Variants in SLC25A53 observed in about 807,000 individuals in gnomAD.
SLC25A53 encodes the protein mitochondrial carrier triple repeat protein 6.
SLC25A53 carries 5 observed loss-of-function variants against 15.0 expected under a neutral mutation model. The observed-to-expected ratio is 0.33, with a 90% confidence interval of 0.17 to 0.70. The LOEUF is 0.70. Ranked by LOEUF, SLC25A53 falls within the 30% of genes least tolerant of loss-of-function variation. The probability of loss-of-function intolerance (pLI) is 0.67; values close to 1 mark genes in which losing one functional copy is unlikely to be tolerated. For missense variants in SLC25A53, 216 were observed against 241.6 expected (o/e 0.89, Z 0.70); for synonymous variants, 95 against 100.0 (o/e 0.95, Z 0.30).
chrX:104,141,373 A>G (rs1172273671), intron 1 of SLC25A53, among the ~76,000 whole-genome samples: 5 of 111,785 alleles, frequency 4.5e-5, no homozygotes, highest in Non-Finnish European at 7.5e-5. Context: ...ACTTACCTGA[A>G]AACAAAACAA....
intron 1 of SLC25A53, among the ~76,000 whole-genome samples, chrX:104,109,431 G>A (rs2075327898): frequency 8.9e-6 from 1 of 112,300 alleles, no homozygotes; most frequent in Non-Finnish European, 1.9e-5. Context: ...GGATGCATGA[G>A]ACAAAGTATG....
chrX:104,114,702 G>A (rs2075368023), intron 1 of SLC25A53: 8 of 1,210,338 alleles, frequency 6.6e-6, no homozygotes, highest in Non-Finnish European at 7.8e-6. Flanking sequence ...ATCTTCTCAG[G>A]ATGTATGCAA....
chrX:104,133,533 C>A lies in SLC25A53; in HGVS notation c.-32+23345G>T, dbSNP rs782480419. Among the ~76,000 whole-genome samples the A allele has an allele frequency of 7.6e-4, 84 of 111,038 alleles. 1 individual carries two copies. Among genetic ancestry groups the A allele is most frequent in the Non-Finnish European group, 1.1e-4 (6 of 53,016 alleles). On this transcript the variant is annotated intron_variant, in intron 1 of 1. Transcript: ENST00000594199. Reference sequence around the variant, plus strand: ...AGATTCTTATTGTTTTTCATGTAGACCATTAAAACAGTCTCAAAAATTGCC... The same window carrying A: ...AGATTCTTATTGTTTTTCATGTAGAACATTAAAACAGTCTCAAAAATTGCC...
At chrX:104,144,414 C>G (rs1360704494) in intron 1 of SLC25A53, among the ~76,000 whole-genome samples, 1 of 111,223 alleles carries the variant, frequency 9.0e-6, no homozygotes, top group Non-Finnish European at 1.9e-5. Context: ...ATCTACCAAG[C>G]AAATGGAAAG....
intron 1 of SLC25A53, among the ~76,000 whole-genome samples, chrX:104,130,186 C>G (rs1183064645): frequency 9.0e-6 from 1 of 110,919 alleles, no homozygotes; most frequent in African/African-American, 3.3e-5. Flanking sequence ...ATCCAGTACG[C>G]ACTCCCTGCT....
chrX:104,114,003 T>C (rs1156242701), intron 1 of SLC25A53: 8 of 1,137,312 alleles, frequency 7.0e-6, no homozygotes, highest in Non-Finnish European at 9.3e-6. Context: ...CCTACTGAAA[T>C]ATAAGGCAGG....
chrX:104,129,893 TGTGC>T (rs1213539419), intron 1 of SLC25A53, among the ~76,000 whole-genome samples: 1 of 106,242 alleles, frequency 9.4e-6, no homozygotes, highest in Non-Finnish European at 1.9e-5. Context: ...TGTGTGTGTG[TGTGC>T]CATTCAAATG....
chrX:104,118,504 C>T (rs1302072643), intron 1 of SLC25A53, among the ~76,000 whole-genome samples: 4 of 113,128 alleles, frequency 3.5e-5, no homozygotes, highest in African/African-American at 1.3e-4. Context: ...ACATGCCAGG[C>T]ACCCAGTGCC....
chrX:104,134,593 T>C (rs1187850087), intron 1 of SLC25A53, among the ~76,000 whole-genome samples: 1 of 111,931 alleles, frequency 8.9e-6, no homozygotes, highest in African/African-American at 3.3e-5. Context: ...AGGCATAAAA[T>C]GATGTTAATG....
At chrX:104,154,151 G>C (rs1274356960) in intron 1 of SLC25A53, among the ~76,000 whole-genome samples, 1 of 112,231 alleles carries the variant, frequency 8.9e-6, no homozygotes, top group Non-Finnish European at 1.9e-5. Flanking sequence ...GTAGCAAAAA[G>C]ACAACCTGAT....
At chrX:104,116,293 T>C (rs1200604876) in intron 1 of SLC25A53, among the ~76,000 whole-genome samples, 2 of 111,180 alleles carry the variant, frequency 1.8e-5, no homozygotes, top group African/African-American at 6.6e-5. Flanking sequence ...GTAGTCCCTA[T>C]CTTCACGAAG....
chrX:104,105,592 C>T (rs2075305169), intron 1 of SLC25A53, among the ~76,000 whole-genome samples: 1 of 112,132 alleles, frequency 8.9e-6, no homozygotes. Flanking sequence ...GGGAAGACTC[C>T]AAAACTTAAT....
chrX:104,126,379 C>T (rs2075410879), intron 1 of SLC25A53, among the ~76,000 whole-genome samples: 1 of 110,876 alleles, frequency 9.0e-6, no homozygotes, highest in African/African-American at 3.3e-5. Context: ...GAAGGCCTGG[C>T]ACAGTGGCTC....
At chrX:104,130,115 T>C (rs2147874752) in intron 1 of SLC25A53, among the ~76,000 whole-genome samples, 1 of 111,118 alleles carries the variant, frequency 9.0e-6, no homozygotes, top group East Asian at 2.8e-4. Context: ...AAGTGACGTT[T>C]TGGTACAAAC....
chrX:104,113,003 T>G (rs1490940545), intron 1 of SLC25A53: 1 of 12,670 alleles, frequency 7.9e-5, no homozygotes, highest in African/African-American at 3.6e-4. Flanking sequence ...TGGATTAAGG[T>G]GGGTGGGGGT....
intron 1 of SLC25A53, among the ~76,000 whole-genome samples, chrX:104,146,265 C>T (rs1044265102): frequency 4.5e-5 from 5 of 112,065 alleles, no homozygotes; most frequent in Admixed American, 9.5e-5. Context: ...GCCCTTCATG[C>T]TAAAACCTCT....
intron 1 of SLC25A53, among the ~76,000 whole-genome samples, chrX:104,128,233 A>G (rs782507549): frequency 6.3e-4 from 70 of 111,917 alleles, no homozygotes; most frequent in African/African-American, 2.2e-3. Context: ...TAAAAATTAT[A>G]TACAGATGGT....
At chrX:104,146,919 C>G (rs1445628666) in intron 1 of SLC25A53, among the ~76,000 whole-genome samples, 1 of 111,405 alleles carries the variant, frequency 9.0e-6, no homozygotes, top group Non-Finnish European at 1.9e-5. Flanking sequence ...ATCAAGCTAC[C>G]AATGACTTTC....
rs1260614131 is a variant in SLC25A53, at chrX:104,100,762, C to A, written c.*3572G>T. 1 of 111,884 alleles carries A rather than the reference C, an allele frequency of 8.9e-6. No homozygotes were observed. Among genetic ancestry groups the A allele is most frequent in the South Asian group, 3.7e-4 (1 of 2,704 alleles). 9.2% of individuals were successfully genotyped at this position (111,884 alleles called of 1,213,427 possible). ...AGCAATTTAGCTTTAAAATATACTCCGAGGGGAAAATACCCAAACTTTTTG... is the reference window on the plus strand; with the variant it reads ...AGCAATTTAGCTTTAAAATATACTCAGAGGGGAAAATACCCAAACTTTTTG... On this transcript the variant is annotated 3_prime_UTR_variant, in exon 2 of 2. Coordinates refer to ENST00000594199, the MANE Select transcript of SLC25A53 (RefSeq NM_001012755.5).
Sources: allele counts gnomAD v4.1 joint callset (sites outside exome capture counted in the v4.1 genomes callset), GRCh38; gene constraint gnomAD v4.1.1; transcripts MANE v1.5; gene names NCBI Gene and HGNC (gene_info 2026-07-23, HGNC 2026-07-21).